Variants in INPP5D observed in about 807,000 individuals in gnomAD.
INPP5D encodes phosphatidylinositol 3,4,5-trisphosphate 5-phosphatase 1.
INPP5D carries 33 observed loss-of-function variants against 122.9 expected under a neutral mutation model. The observed-to-expected ratio is 0.27, with a 90% CI of 0.20 to 0.36. The LOEUF (loss-of-function observed/expected upper bound fraction) is 0.36. Among genes scored for constraint, INPP5D ranks in the 10% least tolerant of loss-of-function variants. The probability of loss-of-function intolerance (pLI) is 1.00; values close to 1 mark genes in which losing one functional copy is unlikely to be tolerated. For synonymous variants in INPP5D, 584 were observed against 576.2 expected, an observed-to-expected ratio of 1.01 and a Z score of -0.19; for missense variants, 1,053 against 1,412.7, an observed-to-expected ratio of 0.75 and a Z score of 4.08.
chr2:233,072,938 C>T (rs1225813472), intron 1 of INPP5D, among the ~76,000 whole-genome samples: 1 of 152,224 alleles, frequency 6.6e-6, no homozygotes, highest in Non-Finnish European at 1.5e-5. Context: ...ATTCCCACCC[C>T]TGAACTGAAG....
At chr2:233,173,882 G>A (rs970833735) in intron 17 of INPP5D, among the ~76,000 whole-genome samples, 3 of 152,098 alleles carry the variant, frequency 2.0e-5, no homozygotes, top group African/African-American at 7.2e-5. Context: ...GCAGCGAACC[G>A]AGATGGCGCC....
chr2:233,108,127 C>G (rs1415349692), intron 2 of INPP5D, among the ~76,000 whole-genome samples: 1 of 152,142 alleles, frequency 6.6e-6, no homozygotes, highest in Non-Finnish European at 1.5e-5. Context: ...TTTCACACCA[C>G]CCTACCCACC....
At chr2:233,163,244 C>G (rs1694241364) in intron 11 of INPP5D, among the ~76,000 whole-genome samples, 1 of 152,254 alleles carries the variant, frequency 6.6e-6, no homozygotes, top group Non-Finnish European at 1.5e-5. Context: ...TCCCGTTTCT[C>G]TGGCTCACAC....
At position 233,185,938 on chromosome 2, in the gene INPP5D, C is replaced by G. The variant is rs1694902362; in HGVS notation, c.2358+13C>G. The G allele has an allele frequency of 6.3e-7, 1 of 1,583,576 alleles. No homozygotes were observed. Among genetic ancestry groups the G allele is most frequent in the South Asian group, 1.2e-5 (1 of 85,160 alleles). ...GACTCTTCCAAAGGTAATTCTAGAG[C>G]AAGGCATTCCCCAGAGGGAGATTTG... On this transcript the variant is annotated intron_variant, in intron 21 of 26. Transcript: ENST00000445964.
At chr2:233,155,832 C>A (rs537487134) in intron 9 of INPP5D, among the ~76,000 whole-genome samples, 5 of 152,188 alleles carry the variant, frequency 3.3e-5, no homozygotes, top group Non-Finnish European at 7.4e-5. Context: ...GAGGCCCACA[C>A]AACCCTGGAA....
chr2:233,156,438 C>T (rs1002034605), intron 9 of INPP5D, among the ~76,000 whole-genome samples: 8 of 152,148 alleles, frequency 5.3e-5, no homozygotes, highest in South Asian at 2.1e-4. Context: ...TACAGGTGCC[C>T]GCCACCACGC....
intron 17 of INPP5D, among the ~76,000 whole-genome samples, chr2:233,176,894 T>C (rs911619149): frequency 6.6e-6 from 1 of 151,842 alleles, no homozygotes; most frequent in Non-Finnish European, 1.5e-5. Context: ...GGGTGGAAGC[T>C]GAAGTGTGTT....
At chr2:233,063,284 T>C (rs1457688559) in intron 1 of INPP5D, among the ~76,000 whole-genome samples, 1 of 152,218 alleles carries the variant, frequency 6.6e-6, no homozygotes, top group Non-Finnish European at 1.5e-5. Context: ...AAAGTATACC[T>C]GCCCCATGGC....
At chr2:233,076,213 A>T (rs1178694658) in intron 1 of INPP5D, 1 of 152,174 alleles carries the variant, frequency 6.6e-6, no homozygotes, top group Non-Finnish European at 1.5e-5. Flanking sequence ...CTACAGGAGG[A>T]AGTGCCAAGG....
At chr2:233,167,547 C>T (rs1283818105) in intron 13 of INPP5D, among the ~76,000 whole-genome samples, 3 of 152,096 alleles carry the variant, frequency 2.0e-5, no homozygotes, top group African/African-American at 7.2e-5. Context: ...TTCCAGGTCA[C>T]CCTCCCAGGT....
chr2:233,156,703 G>C lies in INPP5D; in HGVS notation c.1031-1610G>C, dbSNP rs148580468. ...CCCCCAGTGAGGTGTGACAACATGT[G>C]TGAAATGTGGTTGTTAACTGGCGAA... On this transcript the variant is annotated intron_variant, in intron 9 of 26. Transcript: ENST00000445964. 8.7e-4 allele frequency among the ~76,000 whole-genome samples: 133 copies of C among 152,342 alleles called. 1 individual carries two copies. The highest frequency in any genetic ancestry group is 3.0e-3 in the African/African-American group (126 of 41,580).
chr2:233,123,860 A>G (rs1479429467), intron 3 of INPP5D, among the ~76,000 whole-genome samples: 2 of 152,208 alleles, frequency 1.3e-5, no homozygotes, highest in Non-Finnish European at 2.9e-5. Context: ...GCAAACTAAC[A>G]CAAGAACAGA....
Position 233,170,177 on chromosome 2 carries a change from C to G in INPP5D, c.1791+13C>G. The G allele has an allele frequency of 6.2e-7, 1 of 1,612,098 alleles. No homozygotes were observed. Among genetic ancestry groups the G allele is most frequent in the Non-Finnish European group, 8.5e-7 (1 of 1,179,040 alleles). ...TCTGCCTACCTGGGTAAGGGCTGCCCGCCTGGGGCTGGGGCTGGGGCTGTA... is the reference window on the plus strand; with the variant it reads ...TCTGCCTACCTGGGTAAGGGCTGCCGGCCTGGGGCTGGGGCTGGGGCTGTA... On this transcript the variant is annotated intron_variant, in intron 15 of 26. Transcript: ENST00000445964. The surrounding 1 kb of genome is among the most constrained non-coding windows in gnomAD (Gnocchi z 4.5).
intron 9 of INPP5D, among the ~76,000 whole-genome samples, chr2:233,151,326 TAATAAC>T (rs1186738279): frequency 2.6e-5 from 1 of 37,896 alleles, no homozygotes; most frequent in Non-Finnish European, 4.7e-5. Context: ...ATAATAATAA[TAATAAC>T]AATAATAGGC....
chr2:233,182,606 T>A (rs1694812747), intron 19 of INPP5D, 107 bp downstream of exon 19: 1 of 1,515,874 alleles, frequency 6.6e-7, no homozygotes, highest in African/African-American at 1.4e-5. Context: ...AAGGCTCATT[T>A]TCCCAGGCAA....
At chr2:233,101,196 G>A (rs192199880) in intron 2 of INPP5D, among the ~76,000 whole-genome samples, 7 of 152,252 alleles carry the variant, frequency 4.6e-5, no homozygotes, top group East Asian at 3.9e-4. Context: ...AAACAAGCCC[G>A]TGATTTGTAG....
intron 10 of INPP5D, among the ~76,000 whole-genome samples, chr2:233,161,322 C>T (rs571694378): frequency 1.3e-5 from 2 of 151,952 alleles, no homozygotes; most frequent in South Asian, 4.2e-4. Flanking sequence ...GAACTCCTGA[C>T]CTCAGGTGAT....
intron 2 of INPP5D, among the ~76,000 whole-genome samples, chr2:233,121,121 C>CTTTTTTTTTTTTTTTTTTTT (rs369587747): frequency 1.7e-5 from 2 of 117,648 alleles, no homozygotes; most frequent in African/African-American, 6.1e-5. Context: ...TTCTTTCTTT[C>CTTTTTTTTTTTTTTTTTTTT]TTTTTTTTTT....
chr2:233,138,958 G>A lies in INPP5D; in HGVS notation c.666-884G>A, dbSNP rs111209815. On this transcript the variant is annotated intron_variant, in intron 5 of 26. Transcript: ENST00000445964. ...TTAGTAGAGACGGGGGTTTCACCAC[G>A]TTAGCCAGGATGGTCTCGACCTCCT... is the stretch of plus-strand genomic sequence containing the variant. 6.0e-5 allele frequency among the ~76,000 whole-genome samples: 9 copies of A among 149,816 alleles called. No individual in the cohort carries two copies. In the South Asian group the frequency reaches 1.9e-3, roughly 32 times the overall value.
Sources: allele counts gnomAD v4.1 joint callset (sites outside exome capture counted in the v4.1 genomes callset), GRCh38; gene constraint gnomAD v4.1.1; non-coding constraint Gnocchi (gnomAD v3.1); transcripts MANE v1.5; gene names NCBI Gene and HGNC (gene_info 2026-07-23, HGNC 2026-07-21).